Variants in POU3F3 observed in about 807,000 individuals in gnomAD.
POU3F3 encodes POU class 3 homeobox 3.
A neutral mutation model predicts 8.6 loss-of-function variants in POU3F3; 1 was observed. That is an observed-to-expected ratio of 0.12 (90% confidence interval 0.04 to 0.55). POU3F3 has a LOEUF of 0.55. Among genes scored for constraint, POU3F3 ranks in the 20% least tolerant of loss-of-function variants. POU3F3 has a pLI of 0.91. For synonymous variants in POU3F3, 418 were observed against 327.4 expected, an observed-to-expected ratio of 1.28 and a Z score of -2.99; for missense variants, 577 against 690.7, an observed-to-expected ratio of 0.84 and a Z score of 1.84.
At chr2:104,864,214 G>T in the POU3F3 span, among the ~76,000 whole-genome samples, 73 of 152,118 alleles carry the variant, frequency 4.8e-4, no homozygotes, top group Non-Finnish European at 9.3e-4. Flanking sequence ...TGCCCAGTCC[G>T]CCCGCCAAGG....
chr2:104,862,078 T>G (rs925552014), downstream of POU3F3, among the ~76,000 whole-genome samples: 6 of 152,338 alleles, frequency 3.9e-5, no homozygotes, highest in South Asian at 1.2e-3. Context: ...CATGGCCTAT[T>G]AATTAGATTA....
chr2:104,879,092 CCACACAGAG>C, the POU3F3 span, among the ~76,000 whole-genome samples: 18 of 151,852 alleles, frequency 1.2e-4, no homozygotes, highest in Non-Finnish European at 1.9e-4. Context: ...TACACACACA[CCACACAGAG>C]CACACAACAC....
rs993019991 is a variant in POU3F3 at position 104,857,695 on chromosome 2, C to T, written c.*682C>T. On this transcript the variant is annotated 3_prime_UTR_variant, in exon 1 of 1. Transcript: ENST00000361360. ...GCTCTGGGACCCTGTTTTTCTTGGC[C>T]ATATTAAAGTCATTTGGAAACAAAT... The T allele has an allele frequency of 1.3e-5, 2 of 153,348 alleles. No homozygotes were observed. The highest frequency in any genetic ancestry group is 4.8e-5 in the African/African-American group (2 of 41,346). The allele number at this position is 153,348 out of a possible 1,614,324, so 9.5% of individuals were successfully genotyped here.
chr2:104,872,662 C>A, the POU3F3 span: 1 of 271,432 alleles, frequency 3.7e-6, no homozygotes, highest in South Asian at 3.4e-5. The surrounding 1 kb of genome is among the most constrained non-coding windows in gnomAD (Gnocchi z 4.6). Flanking sequence ...CGCCGGCCCG[C>A]GTGCAGCATT....
chr2:104,876,372 T>G, the POU3F3 span, among the ~76,000 whole-genome samples: 3 of 152,206 alleles, frequency 2.0e-5, no homozygotes, highest in Non-Finnish European at 4.4e-5. Context: ...AGAAAAGGGC[T>G]GAGTAATAGC....
the POU3F3 span, among the ~76,000 whole-genome samples, chr2:104,875,986 G>A: frequency 6.6e-6 from 1 of 152,176 alleles, no homozygotes; most frequent in Non-Finnish European, 1.5e-5. Flanking sequence ...CCAAAGTGCT[G>A]GGATTACAGG....
chr2:104,876,263 G>A, the POU3F3 span, among the ~76,000 whole-genome samples: 4 of 152,174 alleles, frequency 2.6e-5, no homozygotes, highest in African/African-American at 7.2e-5. Flanking sequence ...CTTCTTCCTG[G>A]ATTCCTTGCT....
At chr2:104,873,537 TCACA>T in the POU3F3 span, among the ~76,000 whole-genome samples, 1 of 152,088 alleles carries the variant, frequency 6.6e-6, no homozygotes, top group African/African-American at 2.4e-5. Flanking sequence ...GCACTCGCAC[TCACA>T]CACACTCATA....
chr2:104,865,741 G>A, the POU3F3 span: 1 of 152,236 alleles, frequency 6.6e-6, no homozygotes, highest in Admixed American at 6.5e-5. Context: ...TGTGAGGGGG[G>A]CTAGCCAGAT....
the POU3F3 span, among the ~76,000 whole-genome samples, chr2:104,871,738 A>G: frequency 6.6e-6 from 1 of 152,208 alleles, no homozygotes; most frequent in Non-Finnish European, 1.5e-5. Context: ...ATGGGATCAT[A>G]AAGTACCTAG....
chr2:104,855,847 G>A lies in POU3F3; in HGVS notation c.337G>A (p.Ala113Thr), dbSNP rs1359551254. The change falls in exon 1 of 1, where the codon GCC becomes ACC. Residue 113 changes from alanine to threonine, a missense_variant. Physicochemically the swap from Ala to Thr is moderately conservative, Grantham distance 58 (BLOSUM62 0). Transcript: ENST00000361360. ...HAAAAAAAAA[A>T]AAVEASSPWS... ...CGCCGCCGCCGCCGCCGCTGCCGCC[G>A]CCGCCGCCGTGGAGGCGAGCTCGCC... The A allele has an allele frequency of 5.5e-6, 6 of 1,087,498 alleles. No homozygotes were observed. The South Asian group carries it at 1.2e-4, about 22-fold the overall frequency. The allele number at this position is 1,087,498 out of a possible 1,614,324, so 67.4% of individuals were successfully genotyped here.
chr2:104,860,102 G>T (rs1676637166), downstream of POU3F3, among the ~76,000 whole-genome samples: 1 of 152,224 alleles, frequency 6.6e-6, no homozygotes. Flanking sequence ...CTACTTAGTT[G>T]ATTTAGCTGA....
At chr2:104,921,965 C>G in the POU3F3 span, among the ~76,000 whole-genome samples, 1 of 152,120 alleles carries the variant, frequency 6.6e-6, no homozygotes, top group African/African-American at 2.4e-5. Flanking sequence ...CCACTGCACT[C>G]CAGCCTGGGC....
chr2:104,863,656 A>G, the POU3F3 span, among the ~76,000 whole-genome samples: 1 of 151,950 alleles, frequency 6.6e-6, no homozygotes, highest in Admixed American at 6.6e-5. Context: ...TGGACCCGTG[A>G]CCCCTTGGGT....
chr2:104,899,228 G>A, the POU3F3 span, among the ~76,000 whole-genome samples: 3 of 152,252 alleles, frequency 2.0e-5, no homozygotes, highest in Non-Finnish European at 4.4e-5. Context: ...TGTGCCTGCT[G>A]TGCCTGGGTT....
chr2:104,890,615 A>G, the POU3F3 span, among the ~76,000 whole-genome samples: 1 of 152,110 alleles, frequency 6.6e-6, no homozygotes, highest in Non-Finnish European at 1.5e-5. Context: ...CTCTGTGGCT[A>G]TCCTGGGTCT....
chr2:104,882,076 T>C, the POU3F3 span, among the ~76,000 whole-genome samples: 1 of 152,220 alleles, frequency 6.6e-6, no homozygotes, highest in East Asian at 1.9e-4. Flanking sequence ...TTACAGCAGA[T>C]AAAATCTGTT....
chr2:104,863,496 A>G (rs1676691509), downstream of POU3F3, among the ~76,000 whole-genome samples: 1 of 152,114 alleles, frequency 6.6e-6, no homozygotes, highest in South Asian at 2.1e-4. Flanking sequence ...GCCTCCTCCC[A>G]GGAGAATTGA....
At chr2:104,879,030 C>T in the POU3F3 span, among the ~76,000 whole-genome samples, 1 of 151,842 alleles carries the variant, frequency 6.6e-6, no homozygotes, top group South Asian at 2.1e-4. Context: ...ACAGCACACA[C>T]AACATATACA....
Sources: allele counts gnomAD v4.1 joint callset (sites outside exome capture counted in the v4.1 genomes callset), GRCh38; gene constraint gnomAD v4.1.1; non-coding constraint Gnocchi (gnomAD v3.1); transcripts MANE v1.5; gene names NCBI Gene and HGNC (gene_info 2026-07-23, HGNC 2026-07-21).